Variants in NKAIN2 observed in about 807,000 individuals in gnomAD.
NKAIN2 encodes sodium/potassium transporting ATPase interacting 2, also known as sodium/potassium-transporting ATPase subunit beta-1-interacting protein 2.
A neutral mutation model predicts 32.6 loss-of-function variants in NKAIN2; 14 were observed. The ratio of observed to expected loss-of-function variants is 0.43; its 90% CI spans 0.28 to 0.67. NKAIN2 has a LOEUF of 0.67. Among genes scored for constraint, NKAIN2 ranks in the 30% least tolerant of loss-of-function variants. The pLI is 0.17. For synonymous variants in NKAIN2, 80 were observed against 87.2 expected, an observed-to-expected ratio of 0.92 and a Z score of 0.46; for missense variants, 198 against 258.3, an observed-to-expected ratio of 0.77 and a Z score of 1.60.
At chr6:123,846,047 T>G (rs1775075516) in intron 1 of NKAIN2, among the ~76,000 whole-genome samples, 1 of 152,210 alleles carries the variant, frequency 6.6e-6, no homozygotes, top group African/African-American at 2.4e-5. Context: ...ACTATGCTTT[T>G]GGAAGCTTAC....
chr6:124,461,224 A>G (rs900147428), intron 3 of NKAIN2, among the ~76,000 whole-genome samples: 1 of 151,740 alleles, frequency 6.6e-6, no homozygotes, highest in Non-Finnish European at 1.5e-5. Context: ...AATGTGCTGG[A>G]AGTATAAAAT....
chr6:124,280,462 T>G (rs973966863), intron 1 of NKAIN2, among the ~76,000 whole-genome samples: 1 of 152,144 alleles, frequency 6.6e-6, no homozygotes, highest in East Asian at 1.9e-4. Context: ...GAAGCCCAAA[T>G]TCCTGTTCTA....
chr6:124,244,621 T>A (rs1582915441), intron 1 of NKAIN2, among the ~76,000 whole-genome samples: 1 of 151,966 alleles, frequency 6.6e-6, no homozygotes, highest in Non-Finnish European at 1.5e-5. Context: ...TACAAACGGG[T>A]ATCCACCACC....
intron 1 of NKAIN2, among the ~76,000 whole-genome samples, chr6:124,215,725 A>G (rs926320121): frequency 8.5e-5 from 13 of 152,190 alleles, no homozygotes; most frequent in African/African-American, 3.1e-4. Context: ...GTTTTCCTGC[A>G]GTGTTCTTTC....
At chr6:124,515,935 TTAATG>T (rs1477054889) in intron 3 of NKAIN2, among the ~76,000 whole-genome samples, 1 of 152,186 alleles carries the variant, frequency 6.6e-6, no homozygotes, top group African/African-American at 2.4e-5. Flanking sequence ...CTGTATTTAA[TTAATG>T]CACTTTTAAA....
intron 1 of NKAIN2, among the ~76,000 whole-genome samples, chr6:124,153,312 A>T (rs771038951): frequency 6.6e-6 from 1 of 151,844 alleles, no homozygotes; most frequent in Non-Finnish European, 1.5e-5. Flanking sequence ...GCAGATCTCT[A>T]TGGATATTGT....
At chr6:124,719,148 T>C (rs1775901455) in intron 4 of NKAIN2, among the ~76,000 whole-genome samples, 1 of 152,196 alleles carries the variant, frequency 6.6e-6, no homozygotes, top group South Asian at 2.1e-4. Context: ...TTTTTTTCCA[T>C]AATATTCTTA....
At chr6:123,903,501 A>G (rs1012553273) in intron 1 of NKAIN2, among the ~76,000 whole-genome samples, 2 of 152,268 alleles carry the variant, frequency 1.3e-5, no homozygotes, top group African/African-American at 4.8e-5. Context: ...GTAGATAGGA[A>G]TGGCCCTGGG....
intron 4 of NKAIN2, among the ~76,000 whole-genome samples, chr6:124,672,881 ATTG>A (rs1773174781): frequency 6.6e-6 from 1 of 152,036 alleles, no homozygotes; most frequent in South Asian, 2.1e-4. Context: ...GGTATTTTTA[ATTG>A]TTGTAAAAAA....
chr6:124,539,986 G>A (rs1446756643), intron 3 of NKAIN2, among the ~76,000 whole-genome samples: 1 of 152,188 alleles, frequency 6.6e-6, no homozygotes, highest in African/African-American at 2.4e-5. Flanking sequence ...CTCCCAAAGT[G>A]CTAGGATTAT....
chr6:124,039,173 A>T (rs1781748038), intron 1 of NKAIN2, among the ~76,000 whole-genome samples: 1 of 152,076 alleles, frequency 6.6e-6, no homozygotes, highest in South Asian at 2.1e-4. Flanking sequence ...TACCAATAAA[A>T]TTTTTAAAAA....
At chr6:124,656,763 C>T (rs1245505307) in intron 3 of NKAIN2, among the ~76,000 whole-genome samples, 1 of 152,160 alleles carries the variant, frequency 6.6e-6, no homozygotes, top group Non-Finnish European at 1.5e-5. Flanking sequence ...TTAGCTCTCT[C>T]TCATGACAGC....
chr6:124,053,702 C>A (rs1245989858), intron 1 of NKAIN2, among the ~76,000 whole-genome samples: 1 of 151,986 alleles, frequency 6.6e-6, no homozygotes, highest in East Asian at 1.9e-4. Context: ...GAAACAGTCT[C>A]CTTTCTGTGG....
At chr6:124,416,607 C>G (rs543946896) in intron 3 of NKAIN2, among the ~76,000 whole-genome samples, 4 of 152,266 alleles carry the variant, frequency 2.6e-5, no homozygotes, top group African/African-American at 4.8e-5. Flanking sequence ...CCACTGCACT[C>G]TAGCCTGGGT....
intron 3 of NKAIN2, among the ~76,000 whole-genome samples, chr6:124,597,706 A>G (rs1782146886): frequency 6.6e-6 from 1 of 152,186 alleles, no homozygotes; most frequent in Admixed American, 6.5e-5. Context: ...CCTGATACCC[A>G]CATTTCTAGT....
chr6:124,155,548 A>T, intron 1 of NKAIN2, among the ~76,000 whole-genome samples: 1 of 151,926 alleles, frequency 6.6e-6, no homozygotes, highest in East Asian at 1.9e-4. Flanking sequence ...AAAAAATGAG[A>T]GTCTTATTTA....
At chr6:123,825,904 A>G (rs1473219172) in intron 1 of NKAIN2, among the ~76,000 whole-genome samples, 2 of 152,158 alleles carry the variant, frequency 1.3e-5, no homozygotes, top group African/African-American at 2.4e-5. Flanking sequence ...AATCAGTCGA[A>G]GCACTTTTCT....
At chr6:124,729,957 CA>C (rs746433398) in intron 4 of NKAIN2, among the ~76,000 whole-genome samples, 1,675 of 147,488 alleles carry the variant, frequency 0.011, 19 homozygotes, top group Middle Eastern at 0.017. Context: ...CTCCCATTCA[CA>C]ATTGCTTCAA....
intron 1 of NKAIN2, among the ~76,000 whole-genome samples, chr6:123,830,127 G>A (rs565388381): frequency 6.6e-6 from 1 of 152,150 alleles, no homozygotes; most frequent in South Asian, 2.1e-4. Context: ...TGTGTAGTTT[G>A]CATCCTAAAA....
Sources: allele counts gnomAD v4.1 joint callset (sites outside exome capture counted in the v4.1 genomes callset), GRCh38; gene constraint gnomAD v4.1.1; transcripts MANE v1.5; gene names NCBI Gene and HGNC (gene_info 2026-07-23, HGNC 2026-07-21).